SI: variants seen among roughly 807,000 people sequenced by gnomAD.
SI encodes sucrase-isomaltase, intestinal.
SI carries 235 observed loss-of-function variants against 253.3 expected under a neutral mutation model. That is an observed-to-expected ratio of 0.93 (90% CI 0.83 to 1.03). SI has a LOEUF of 1.03. SI is among the 50% of genes least tolerant of loss of function. The pLI, the probability that SI is intolerant of heterozygous loss-of-function variation, is 0.00. For synonymous variants in SI, 819 were observed against 712.0 expected, an observed-to-expected ratio of 1.15 and a Z score of -2.39; for missense variants, 2,442 against 2,211.1, an observed-to-expected ratio of 1.10 and a Z score of -2.09.
Position 165,067,430 on chromosome 3 carries a change from C to G in SI, c.545G>C (p.Gly182Ala). The G allele has an allele frequency of 6.2e-7, 1 of 1,611,334 alleles. No homozygotes were observed. The change falls in exon 6 of 48, where the codon GGA (glycine) becomes GCA (alanine). Residue 182 changes from glycine to alanine, a missense_variant. Coordinates refer to ENST00000264382, the MANE Select transcript of SI (RefSeq NM_001041.4). ...VPHQYVKEFT[G>A]PTVSDTLYDV... ...ATACAACGTATCAGAAACTGTGGGT[C>G]CAGTAAACTCTTTTACATACTGATG...
chr3:164,979,620 C>A (rs1717083881), intron 47 of SI, among the ~76,000 whole-genome samples, 190 bp from the exon 48 acceptor site: 1 of 151,618 alleles, frequency 6.6e-6, no homozygotes, highest in African/African-American at 2.4e-5. Context: ...ATCCATTTTA[C>A]CTAAGGTTAA....
chr3:165,088,998 C>A, the SI span, among the ~76,000 whole-genome samples: 2,999 of 151,720 alleles, frequency 0.02, 53 homozygotes, highest in Non-Finnish European at 0.033. Context: ...AGAAATGAGA[C>A]CTTTGACCCA....
intron 13 of SI, among the ~76,000 whole-genome samples, chr3:165,050,373 G>T (rs1033822390): frequency 1.3e-5 from 2 of 152,072 alleles, no homozygotes. Context: ...AATTAAAATA[G>T]TTATGGCTTC....
intron 37 of SI, among the ~76,000 whole-genome samples, chr3:165,002,442 C>T (rs756690070): frequency 3.3e-5 from 5 of 151,728 alleles, no homozygotes; most frequent in Non-Finnish European, 5.9e-5. Flanking sequence ...GCTATTCTTT[C>T]GTTGCTTCTT....
chr3:165,073,220 C>A (rs1383136679), intron 3 of SI, among the ~76,000 whole-genome samples: 1 of 133,720 alleles, frequency 7.5e-6, no homozygotes, highest in Non-Finnish European at 1.6e-5. Context: ...CTCTCTCTCT[C>A]TCTCTCTGTC....
chr3:165,086,490 C>T, the SI span, among the ~76,000 whole-genome samples: 6 of 152,132 alleles, frequency 3.9e-5, no homozygotes, highest in African/African-American at 1.4e-4. Flanking sequence ...GGACTTTCTA[C>T]TTTTTTGTTA....
At position 165,038,014 on chromosome 3, in the gene SI, CT is replaced by C; in HGVS notation, c.2311del (p.Arg771GlyfsTer17). 6.3e-7 allele frequency: 1 copy of C among 1,587,470 alleles called. No homozygotes were observed. Among genetic ancestry groups the C allele is most frequent in the South Asian group, 1.1e-5 (1 of 90,486 alleles). On this transcript the variant is annotated frameshift_variant, in exon 21 of 48. Transcript: ENST00000264382. LOFTEE classifies it high-confidence loss of function. ...ATCAACCCGTTGTTTCCTCCATGGC[CT>C]TTTTGCACCCTAATAATTGGAAGAT... ...IWYDYESGAK[R>X]PWRKQRVDMY...
At chr3:165,004,709 A>G (rs1718420648) in intron 37 of SI, among the ~76,000 whole-genome samples, 1 of 152,218 alleles carries the variant, frequency 6.6e-6, no homozygotes, top group East Asian at 1.9e-4. Context: ...AAAACTTCAT[A>G]TGTTCTCACT....
At chr3:165,067,639 T>C (rs952879904) in intron 5 of SI, 148 bp from the exon 6 acceptor site, 2 of 667,070 alleles carry the variant, frequency 3.0e-6, no homozygotes, top group South Asian at 3.9e-5. Flanking sequence ...TTAATTTTAA[T>C]ATTTTTGAAT....
At chr3:165,030,645 T>C (rs762437829) in intron 25 of SI, 67 bp downstream of exon 25, 13 of 1,483,054 alleles carry the variant, frequency 8.8e-6, no homozygotes, top group Non-Finnish European at 1.2e-5. Context: ...AATTATAATA[T>C]GTAAAATTTG....
At chr3:165,063,317 C>T in intron 8 of SI, 125 bp downstream of exon 8, 3 of 500,854 alleles carry the variant, frequency 6.0e-6, no homozygotes, top group Non-Finnish European at 7.2e-6. Flanking sequence ...ATAATAATGT[C>T]ACATGTTAAT....
chr3:165,046,711 C>G (rs1713133588), intron 16 of SI, 130 bp downstream of exon 16: 2 of 739,160 alleles, frequency 2.7e-6, no homozygotes. Context: ...CTCATAAACT[C>G]CATAAAAATA....
chr3:165,062,811 T>C (rs892987582), intron 8 of SI, among the ~76,000 whole-genome samples: 1 of 152,062 alleles, frequency 6.6e-6, no homozygotes, highest in Non-Finnish European at 1.5e-5. Flanking sequence ...CATTTTTAAT[T>C]AGTCGTTTAA....
chr3:165,033,359 T>G, intron 23 of SI, 36 bp downstream of exon 23: 1 of 1,517,732 alleles, frequency 6.6e-7, no homozygotes, highest in South Asian at 1.3e-5. Context: ...ATGAACAAAT[T>G]ATGCATTTAA....
intron 34 of SI, among the ~76,000 whole-genome samples, chr3:165,010,525 T>C (rs1236072489): frequency 6.6e-6 from 1 of 152,178 alleles, no homozygotes; most frequent in Non-Finnish European, 1.5e-5. Flanking sequence ...TAATTACATT[T>C]TACTCATAAG....
intron 2 of SI, 143 bp from the exon 3 acceptor site, chr3:165,074,810 C>T (rs971952037): frequency 1.5e-6 from 1 of 658,250 alleles, no homozygotes; most frequent in South Asian, 2.0e-5. Flanking sequence ...TTTAAAAAGA[C>T]CCACAATTTC....
chr3:165,076,064 A>G, intron 1 of SI, 52 bp from the exon 2 acceptor site: 1 of 1,230,906 alleles, frequency 8.1e-7, no homozygotes, highest in Non-Finnish European at 1.1e-6. Context: ...TAACTATAAT[A>G]AACCACCAAC....
At chr3:165,054,418 C>T (rs925517605) in intron 13 of SI, among the ~76,000 whole-genome samples, 1 of 152,018 alleles carries the variant, frequency 6.6e-6, no homozygotes, top group African/African-American at 2.4e-5. Context: ...GTTGCCCAGG[C>T]TAGAATGCAG....
At chr3:165,032,077 T>C (rs1712275056) in intron 24 of SI, among the ~76,000 whole-genome samples, 1 of 151,218 alleles carries the variant, frequency 6.6e-6, no homozygotes, top group Non-Finnish European at 1.5e-5. Context: ...ACAAGATATA[T>C]TTTGAGGACA....
Sources: gnomAD v4.1 joint callset for allele counts (sites outside exome capture counted in the v4.1 genomes callset) on GRCh38, gnomAD v4.1.1 for gene constraint, MANE v1.5 for transcripts, NCBI Gene and HGNC (gene_info 2026-07-23, HGNC 2026-07-21) for gene names.